DDX11: variants seen among roughly 807,000 people sequenced by gnomAD.
The protein encoded by DDX11 is DEAD/H-box helicase 11.
In DDX11, 72 loss-of-function variants were observed where a neutral mutation model predicts 125.2. That is an observed-to-expected ratio of 0.58 (90% CI 0.48 to 0.70). The LOEUF (loss-of-function observed/expected upper bound fraction) is 0.70, where lower values mean the gene tolerates loss of function less well. Ranked by LOEUF, DDX11 falls within the 30% of genes least tolerant of loss-of-function variation. The pLI is 0.00. For missense variants in DDX11, 883 were observed against 1,165.0 expected (o/e 0.76, Z 3.52); for synonymous variants, 347 against 452.6 (o/e 0.77, Z 2.96).
At chr12:31,092,705 C>A in intron 10 of DDX11, 141 bp from the exon 11 acceptor site, 1 of 864,508 alleles carries the variant, frequency 1.2e-6, no homozygotes, top group Non-Finnish European at 1.9e-6. Flanking sequence ...AAACCCGTAC[C>A]TTTTGTCTGC....
intron 2 of DDX11, among the ~76,000 whole-genome samples, chr12:31,080,342 C>T (rs769393747): frequency 1.3e-5 from 2 of 152,152 alleles, no homozygotes; most frequent in Non-Finnish European, 2.9e-5. Flanking sequence ...CAGCCTGGCC[C>T]TCCTCCCCCT....
chr12:31,084,434 C>G, intron 3 of DDX11, 149 bp from the exon 4 acceptor site: 1 of 791,276 alleles, frequency 1.3e-6, no homozygotes, highest in Non-Finnish European at 2.2e-6. Context: ...GATGAGGTCC[C>G]GGGAGGGGAT....
intron 1 of DDX11, among the ~76,000 whole-genome samples, chr12:31,075,397 G>A (rs1406378129): frequency 6.6e-6 from 1 of 152,138 alleles, no homozygotes; most frequent in Admixed American, 6.5e-5. Flanking sequence ...GAAAAGTGAG[G>A]AGATAGAAAG....
intron 6 of DDX11, among the ~76,000 whole-genome samples, chr12:31,088,307 G>T (rs566680459): frequency 6.6e-6 from 1 of 152,080 alleles, no homozygotes. Context: ...TTCGGGGCCT[G>T]GGGAGACCTC....
intron 19 of DDX11, 151 bp downstream of exon 19, chr12:31,100,858 T>C: frequency 9.2e-7 from 1 of 1,086,250 alleles, no homozygotes. Context: ...CAGGCTCTCC[T>C]GCTTTGCTCC....
intron 7 of DDX11, 29 bp downstream of exon 7, chr12:31,089,180 G>A: frequency 6.3e-6 from 10 of 1,583,174 alleles, no homozygotes; most frequent in Non-Finnish European, 8.7e-6. Flanking sequence ...TTCCACCAGG[G>A]GCCATCCTGC....
intron 1 of DDX11, among the ~76,000 whole-genome samples, chr12:31,074,761 G>T (rs1940461760): frequency 6.6e-6 from 1 of 152,214 alleles, no homozygotes. Flanking sequence ...TTTTCTTGGG[G>T]CTGTGGTGCT....
In DDX11 at chr12:31,103,951, GGA is replaced by G; in HGVS notation, c.*119_*120del. 2 of 1,604,162 alleles carry G rather than the reference GGA, an allele frequency of 1.2e-6. No individual in the cohort carries two copies. The highest frequency in any genetic ancestry group is 1.7e-6 in the Non-Finnish European group (2 of 1,175,640). On this transcript the variant is annotated 3_prime_UTR_variant, in exon 27 of 27. Coordinates refer to ENST00000542838, the MANE Select transcript of DDX11 (RefSeq NM_030653.4). ...CCTGTTACAAAGGTGAAACCCAGGA[GGA>G]GAGTGTGGAGTCCAGAGTGCTGCCA...
intron 6 of DDX11, 84 bp from the exon 7 acceptor site, chr12:31,088,960 C>T: frequency 1.8e-6 from 2 of 1,110,010 alleles, no homozygotes; most frequent in Admixed American, 1.7e-5. Context: ...CTCAGCCTCT[C>T]AGGCCCTGGC....
At chr12:31,081,042 A>AC (rs1941816772) in intron 2 of DDX11, among the ~76,000 whole-genome samples, 1 of 151,876 alleles carries the variant, frequency 6.6e-6, no homozygotes. Flanking sequence ...ACTGTACCTG[A>AC]CCCCTTTCAC....
chr12:31,089,995 C>T lies in DDX11; in HGVS notation c.990C>T (p.Ala330=). Residue 330 remains alanine (A), a synonymous_variant, in exon 9 of 27, where the codon GCC becomes GCT. Coordinates refer to ENST00000542838, the MANE Select transcript of DDX11 (RefSeq NM_030653.4). ...AGATGGGCCTTCTCCGGGATGAGGC[C>T]CTGGCAGAGGTGAAGGACATGGAGC... The part of the protein sequence containing the change: ...HEQMGLLRDE[A]LAEVKDMEQL... The T allele has an allele frequency of 2.5e-6, 4 of 1,575,502 alleles. No individual in the cohort carries two copies. In the African/African-American group the frequency reaches 5.4e-5, roughly 21 times the overall value.
chr12:31,090,082 C>G lies in DDX11; in HGVS notation c.1077C>G (p.Ile359Met). 5 of 1,549,652 alleles carry G rather than the reference C, an allele frequency of 3.2e-6. No individual in the cohort carries two copies. The highest frequency in any genetic ancestry group is 4.4e-6 in the Non-Finnish European group (5 of 1,146,658). Residue 359 changes from isoleucine to methionine, a missense_variant, in exon 9 of 27, where the codon ATC becomes ATG. By Grantham distance (10) the Ile-to-Met change is conservative. Transcript: ENST00000542838. ...ACPYYGSRLA[I>M]PAAQLVVLPY... ...CCTATTACGGGAGCCGCCTTGCCAT[C>G]CCTGCAGCCCAGGTGAGGGCCCTGC...
chr12:31,095,424 G>C (rs1945051406), intron 14 of DDX11, among the ~76,000 whole-genome samples: 1 of 152,236 alleles, frequency 6.6e-6, no homozygotes, highest in Non-Finnish European at 1.5e-5. Context: ...TCAGGAGGGT[G>C]GCGAGCACAG....
chr12:31,089,051 A>G lies in DDX11; in HGVS notation c.692A>G (p.Tyr231Cys), dbSNP rs1321537478. 2 of 1,613,776 alleles carry G rather than the reference A, an allele frequency of 1.2e-6. No individual in the cohort carries two copies. The highest frequency in any genetic ancestry group is 1.7e-6 in the Non-Finnish European group (2 of 1,179,756). The part of the protein sequence containing the change: ...LEEEHITKIY[Y>C]CSRTHSQLAQ... ...TTTCTTTCTCTCTGCTAGATTTATT[A>G]CTGTAGTCGGACACACTCCCAGCTG... The change falls in exon 7 of 27, where the codon TAC becomes TGC. Residue 231 changes from tyrosine to cysteine, a missense_variant. Physicochemically the swap from Tyr to Cys is radical, Grantham distance 194. Around this residue, in one of 5 missense-constraint regions of DDX11, gnomAD observed 283 missense variants for 359.6 expected, o/e 0.79. Coordinates refer to ENST00000542838, the MANE Select transcript of DDX11 (RefSeq NM_030653.4).
chr12:31,096,086 T>A (rs1945168257), intron 14 of DDX11, among the ~76,000 whole-genome samples: 1 of 152,142 alleles, frequency 6.6e-6, no homozygotes, highest in South Asian at 2.1e-4. Context: ...CTGAGCACTC[T>A]TAGACTTGAG....
rs1310419963 is a variant in DDX11, at chr12:31,104,067, G to C, written c.*231G>C. 6.5e-7 allele frequency: 1 copy of C among 1,537,674 alleles called. No homozygotes were observed. The highest frequency in any genetic ancestry group is 1.2e-5 in the South Asian group (1 of 82,526). ...TCCTGGCTGTCCTTGGGGCGTTCCA[G>C]GGCAGCTCCCCTCCTGGAATAGAAT... On this transcript the variant is annotated 3_prime_UTR_variant, in exon 27 of 27. Coordinates refer to ENST00000542838, the MANE Select transcript of DDX11 (RefSeq NM_030653.4).
rs188028585 is a variant in DDX11, at chr12:31,089,592, C to T, written c.880+102C>T. On this transcript the variant is annotated intron_variant, in intron 8 of 26. Transcript: ENST00000542838. ...TAAGTGTCTTTCATAGAAAGAATGG[C>T]AGAGGAGACCCCAGTTCCTTCCTGA... 12 of 1,270,882 alleles carry T rather than the reference C, an allele frequency of 9.4e-6. No homozygotes were observed. The East Asian group carries it at 1.5e-4, about 16-fold the overall frequency. 78.7% of individuals were successfully genotyped at this position (1,270,882 alleles called of 1,614,324 possible).
At chr12:31,103,775 A>C in intron 26 of DDX11, 32 bp from the exon 27 acceptor site, 1 of 1,613,632 alleles carries the variant, frequency 6.2e-7, no homozygotes, top group Non-Finnish European at 8.5e-7. Flanking sequence ...CCACCCCGAG[A>C]TCACATTTCT....
intron 23 of DDX11, 28 bp from the exon 24 acceptor site, chr12:31,102,908 C>CT (rs769035586): frequency 4.3e-6 from 7 of 1,612,376 alleles, no homozygotes; most frequent in African/African-American, 1.3e-5. Flanking sequence ...TGACGTCCAC[C>CT]TGCTGGGCTC....
Sources: allele counts gnomAD v4.1 joint callset (sites outside exome capture counted in the v4.1 genomes callset), GRCh38; gene constraint gnomAD v4.1.1; regional missense constraint gnomAD v4.1.1; transcripts MANE v1.5; gene names NCBI Gene and HGNC (gene_info 2026-07-23, HGNC 2026-07-21).